Variants in TRIOBP observed in about 807,000 individuals in gnomAD.
TRIOBP encodes the protein TRIO and F-actin-binding protein.
Under a neutral mutation model 238.8 loss-of-function variants are expected in TRIOBP, and 169 were observed. The observed-to-expected ratio is 0.71, with a 90% CI of 0.62 to 0.80. TRIOBP has a LOEUF of 0.80. Among genes scored for constraint, TRIOBP ranks in the 30% least tolerant of loss-of-function variants. The pLI is 0.00. For synonymous variants in TRIOBP, 1,150 were observed against 1,274.4 expected, an observed-to-expected ratio of 0.90 and a Z score of 2.08; for missense variants, 2,838 against 3,122.6, an observed-to-expected ratio of 0.91 and a Z score of 2.17.
At position 37,735,110 on chromosome 22, in the gene TRIOBP, A is replaced by C. The variant is rs749289703; in HGVS notation, c.4774A>C (p.Arg1592=). ...WEGLLELLQA[R]LPRKDPAGHR... is the part of the protein sequence containing the mutation. ...GGGCCTCTTGGAGCTCCTGCAGGCC[A>C]GGCTGCCCCGCAAGGACCCAGCTGG... The change falls in exon 9 of 24, where the codon AGG becomes CGG. Residue 1592 remains arginine (R), a synonymous_variant. Transcript: ENST00000644935. The C allele has an allele frequency of 1.1e-5, 18 of 1,608,350 alleles. No individual in the cohort carries two copies. The highest frequency in any genetic ancestry group is 1.5e-5 in the Non-Finnish European group (18 of 1,176,336).
intron 17 of TRIOBP, among the ~76,000 whole-genome samples, chr22:37,763,385 G>A (rs756087205): frequency 2.3e-4 from 35 of 152,166 alleles, no homozygotes; most frequent in Non-Finnish European, 4.4e-4. Flanking sequence ...CCTAAGCCAG[G>A]AGACACATAG....
intron 17 of TRIOBP, chr22:37,759,608 G>T (rs893437216): frequency 1.2e-5 from 18 of 1,556,666 alleles, no homozygotes; most frequent in African/African-American, 9.5e-5. Flanking sequence ...CCGGGGAAGT[G>T]GGGGGCTAGT....
intron 14 of TRIOBP, 32 bp from the exon 15 acceptor site, chr22:37,755,518 T>C: frequency 6.3e-7 from 1 of 1,591,076 alleles, no homozygotes; most frequent in African/African-American, 1.3e-5. Flanking sequence ...CGGCTGGCCA[T>C]GTGGCAACCT....
intron 17 of TRIOBP, among the ~76,000 whole-genome samples, chr22:37,764,068 C>T (rs1926371595): frequency 6.6e-6 from 1 of 152,250 alleles, no homozygotes; most frequent in Non-Finnish European, 1.5e-5. Context: ...CTTCTGCCCC[C>T]TTCGTCCACT....
At chr22:37,760,897 A>C (rs1203796252) in intron 17 of TRIOBP, among the ~76,000 whole-genome samples, 1 of 151,512 alleles carries the variant, frequency 6.6e-6, no homozygotes, top group African/African-American at 2.4e-5. Flanking sequence ...ACTGGAACCC[A>C]GGAGGCGCAG....
At chr22:37,729,985 C>T (rs1177457314) in intron 7 of TRIOBP, among the ~76,000 whole-genome samples, 2 of 152,042 alleles carry the variant, frequency 1.3e-5, no homozygotes, top group Non-Finnish European at 2.9e-5. Flanking sequence ...AGCATTGTCC[C>T]GAGTCTGGAA....
At chr22:37,716,852 T>A (rs150697831) in intron 6 of TRIOBP, among the ~76,000 whole-genome samples, 123 of 152,318 alleles carry the variant, frequency 8.1e-4, no homozygotes, top group African/African-American at 2.9e-3. Flanking sequence ...GAGAAACCAG[T>A]TAAGAGACTG....
In TRIOBP at chr22:37,746,383, G is replaced by A. The variant is rs562698421; in HGVS notation, c.5322+5351G>A. On this transcript the variant is annotated intron_variant, in intron 11 of 23. Transcript: ENST00000644935. ...GCCCGAGAGCCGCGTCCACGTTCCT[G>A]CCTCCTGCTCCCGCCGCCCTGGGGC... The A allele has an allele frequency of 3.6e-6, 5 of 1,374,824 alleles. No individual in the cohort carries two copies. The African/African-American group carries it at 6.0e-5, about 16-fold the overall frequency. The allele number at this position is 1,374,824 out of a possible 1,614,324, so 85.2% of individuals were successfully genotyped here. A position where few individuals can be genotyped will look rare whatever the true frequency, so the allele number is the denominator to read the frequency against.
chr22:37,742,254 G>C (rs1460977437), intron 11 of TRIOBP, among the ~76,000 whole-genome samples: 2 of 132,096 alleles, frequency 1.5e-5, no homozygotes, highest in East Asian at 2.2e-4. Context: ...CACCACGCCA[G>C]GCGTTTTTTT....
intron 11 of TRIOBP, chr22:37,751,432 T>C (rs938200858): frequency 1.5e-5 from 6 of 400,930 alleles, no homozygotes; most frequent in Non-Finnish European, 2.9e-5. Context: ...TCTCAGGGGG[T>C]CTCTATGCAG....
chr22:37,723,397 C>T lies in TRIOBP; in HGVS notation c.841C>T (p.Pro281Ser), dbSNP rs1250652074. 9 of 1,614,028 alleles carry T rather than the reference C, an allele frequency of 5.6e-6. No individual in the cohort carries two copies. Among genetic ancestry groups the T allele is most frequent in the Admixed American group, 5.0e-5 (3 of 60,004 alleles). The change falls in exon 7 of 24, where the codon CCC becomes TCC. Residue 281 changes from proline to serine, a missense_variant. By Grantham distance (74) the Pro-to-Ser change is moderately conservative (BLOSUM62 -1). Around this residue, in one of 5 missense-constraint regions of TRIOBP, gnomAD observed 535 missense variants for 537.3 expected, o/e 1.00. Transcript: ENST00000644935. Reference sequence around the variant, plus strand: ...ACGTGAAATCCCCAGAGCCTCCTCTCCCCATCGAATCACCCAAAGGGACAC... The same window carrying T: ...ACGTGAAATCCCCAGAGCCTCCTCTTCCCATCGAATCACCCAAAGGGACAC... Reference protein sequence around the residue: ...STREIPRASSPHRITQRDTSR... With the variant: ...STREIPRASSSHRITQRDTSR...
Position 37,772,911 on chromosome 22 carries a change from C to T in TRIOBP, c.*2+147C>T, listed in dbSNP as rs539566492. ...AAAAAGGACAATGAAACCAGCAACA[C>T]GGGGTTGTTGCAGAGATCCCATCAG... On this transcript the variant is annotated intron_variant, in intron 23 of 23. Transcript: ENST00000644935. The T allele has an allele frequency of 4.2e-5, 43 of 1,026,870 alleles. No homozygotes were observed. In the Admixed American group the frequency reaches 5.6e-4, roughly 13 times the overall value. The allele number at this position is 1,026,870 out of a possible 1,614,324, so 63.6% of individuals were successfully genotyped here. A position where few individuals can be genotyped will look rare whatever the true frequency, so the allele number is the denominator to read the frequency against.
At chr22:37,749,088 T>TA (rs1379164236) in intron 11 of TRIOBP, among the ~76,000 whole-genome samples, 1 of 151,920 alleles carries the variant, frequency 6.6e-6, no homozygotes, top group Non-Finnish European at 1.5e-5. Flanking sequence ...TAGTGGCTTA[T>TA]GTGTGCCTGT....
Position 37,715,815 on chromosome 22 carries a change from T to G in TRIOBP, c.509T>G (p.Leu170Arg). ...QEEEAPSWDE[L>R]AVMIPRRPRE... The stretch of plus-strand genomic sequence containing the variant: ...GAGGAGGCCCCCAGCTGGGACGAGC[T>G]CGCAGTGATGATCCCGAGGAGGCCT... The change falls in exon 6 of 24, where the codon CTC (leucine) becomes CGC (arginine). Residue 170 changes from leucine to arginine, a missense_variant. Physicochemically the swap from Leu to Arg is moderately radical, Grantham distance 102. This residue lies in a region of TRIOBP where 535 missense variants were observed against 537.3 expected (regional missense o/e 1.00). Coordinates refer to ENST00000644935, the MANE Select transcript of TRIOBP (RefSeq NM_001039141.3). The G allele has an allele frequency of 6.2e-7, 1 of 1,614,044 alleles. No homozygotes were observed. Among genetic ancestry groups the G allele is most frequent in the Non-Finnish European group, 8.5e-7 (1 of 1,179,990 alleles).
Position 37,719,118 on chromosome 22 carries a change from G to T in TRIOBP, c.628+3184G>T, listed in dbSNP as rs533164435. Among the ~76,000 whole-genome samples the T allele has an allele frequency of 3.1e-4, 47 of 150,308 alleles. 2 individuals carry two copies. In the South Asian group the frequency reaches 9.5e-3, roughly 30 times the overall value. On this transcript the variant is annotated intron_variant, in intron 6 of 23. Coordinates refer to ENST00000644935, the MANE Select transcript of TRIOBP (RefSeq NM_001039141.3). ...CTCGGGATGCTGAGGCAGGAGGATC[G>T]CTTGAACTTGGGAGGTGGAGGTTGC...
At chr22:37,712,182 AATTATT>A (rs762592120) in intron 4 of TRIOBP, among the ~76,000 whole-genome samples, 143 of 150,908 alleles carry the variant, frequency 9.5e-4, no homozygotes, top group Non-Finnish European at 1.8e-3. Context: ...GTGAAATGGG[AATTATT>A]ATTATTATTA....
intron 6 of TRIOBP, among the ~76,000 whole-genome samples, chr22:37,722,669 A>G (rs920718590): frequency 1.8e-4 from 27 of 149,856 alleles, no homozygotes; most frequent in Admixed American, 6.6e-4. Flanking sequence ...GGAGGTTGCC[A>G]TGAGCCGAGA....
chr22:37,759,297 G>A, intron 17 of TRIOBP, 33 bp downstream of exon 17: 1 of 1,598,174 alleles, frequency 6.3e-7, no homozygotes, highest in Non-Finnish European at 8.6e-7. Flanking sequence ...CAGGGGGAGG[G>A]GGCAGATTTC....
intron 6 of TRIOBP, among the ~76,000 whole-genome samples, chr22:37,722,425 C>A (rs1399043515): frequency 3.3e-5 from 4 of 122,390 alleles, no homozygotes; most frequent in African/African-American, 8.5e-5. Flanking sequence ...GAGACTCTGT[C>A]TCAAAAAAAA....
Sources: gnomAD v4.1 joint callset for allele counts (sites outside exome capture counted in the v4.1 genomes callset) on GRCh38, gnomAD v4.1.1 for gene constraint, gnomAD v4.1.1 regional missense constraint, MANE v1.5 for transcripts, NCBI Gene and HGNC (gene_info 2026-07-23, HGNC 2026-07-21) for gene names.